Variants in TET2 observed in about 807,000 individuals in gnomAD.
The protein encoded by TET2 is methylcytosine dioxygenase TET2.
TET2 carries 299 observed loss-of-function variants against 142.9 expected under a neutral mutation model. That is an observed-to-expected ratio of 2.09 (90% CI 1.90 to 2.30). TET2 has a LOEUF of 2.30. Among genes scored for constraint, TET2 ranks in the 30% most tolerant of loss-of-function variants. TET2 has a pLI of 0.00. For missense variants in TET2, 2,418 were observed against 2,378.0 expected, an observed-to-expected ratio of 1.02 and a Z score of -0.35; for synonymous variants, 819 against 849.0, an observed-to-expected ratio of 0.96 and a Z score of 0.61.
chr4:105,274,443 T>C (rs1286579383), intron 10 of TET2, among the ~76,000 whole-genome samples: 1 of 152,108 alleles, frequency 6.6e-6, no homozygotes, highest in East Asian at 1.9e-4. Flanking sequence ...CGTGTCATTC[T>C]TTTTTTTCAC....
chr4:105,148,823 A>G (rs1032297882), intron 1 of TET2, among the ~76,000 whole-genome samples: 1 of 152,242 alleles, frequency 6.6e-6, no homozygotes, highest in Non-Finnish European at 1.5e-5. Flanking sequence ...GGATTAAAAA[A>G]TGGATAGAAG....
chr4:105,214,755 C>T (rs1240203332), intron 2 of TET2, among the ~76,000 whole-genome samples: 1 of 151,990 alleles, frequency 6.6e-6, no homozygotes, highest in African/African-American at 2.4e-5. Context: ...AGTGGAGGTT[C>T]CTGGAAGGTG....
Position 105,236,043 on chromosome 4 carries a change from CA to C in TET2, c.2102del (p.Gln701ArgfsTer3). 6.2e-7 allele frequency: 1 copy of C among 1,614,160 alleles called. No individual in the cohort carries two copies. The highest frequency in any genetic ancestry group is 8.5e-7 in the Non-Finnish European group (1 of 1,180,026). On this transcript the variant is annotated frameshift_variant, in exon 3 of 11. Coordinates refer to ENST00000380013, the MANE Select transcript of TET2 (RefSeq NM_001127208.3). LOFTEE classifies it high-confidence loss of function. ...AAAACTTATGTCCCCAGTGTTGAAACAGCACTTGAATCAACAGGCTTCAGAG... is the reference window on the plus strand; with the variant it reads ...AAAACTTATGTCCCCAGTGTTGAAACGCACTTGAATCAACAGGCTTCAGAG... ...TEKLMSPVLK[Q>X]HLNQQASETE...
rs1399548203 is a variant in TET2, at chr4:105,242,970, A to T, written c.3594+43A>T. ...AAGCCTTTGGTCTTAAATCTTGGGCATTTTGATTTGTAAATCTGACCCTGA... is the reference window on the plus strand; with the variant it reads ...AAGCCTTTGGTCTTAAATCTTGGGCTTTTTGATTTGTAAATCTGACCCTGA... On this transcript the variant is annotated intron_variant, in intron 5 of 10. Coordinates refer to ENST00000380013, the MANE Select transcript of TET2 (RefSeq NM_001127208.3). 3 of 1,492,548 alleles carry T rather than the reference A, an allele frequency of 2.0e-6. No individual in the cohort carries two copies. The Admixed American group carries it at 5.9e-5, about 30-fold the overall frequency. The allele number at this position is 1,492,548 out of a possible 1,614,324, so 92.5% of individuals were successfully genotyped here. A position where few individuals can be genotyped will look rare whatever the true frequency, so the allele number is the denominator to read the frequency against.
In TET2 at chr4:105,233,903, A is replaced by C. The variant is rs901606519; in HGVS notation, c.-40A>C. On this transcript the variant is annotated 5_prime_UTR_variant, in exon 3 of 11. Coordinates refer to ENST00000380013, the MANE Select transcript of TET2 (RefSeq NM_001127208.3). ...TTGTTTCCATGCTCTTTAGAATTCA[A>C]CTAGAGGGCAGCCTTGTGGATGGCC... The C allele has an allele frequency of 6.4e-6, 10 of 1,555,272 alleles. No homozygotes were observed. The highest frequency in any genetic ancestry group is 8.7e-6 in the Non-Finnish European group (10 of 1,150,272).
intron 6 of TET2, among the ~76,000 whole-genome samples, chr4:105,251,739 A>G (rs1729880096): frequency 2.0e-5 from 3 of 152,186 alleles, no homozygotes; most frequent in Admixed American, 2.0e-4. Context: ...TGAGTTCACA[A>G]AATGCATTGG....
chr4:105,264,098 AAAC>A (rs1340876216), intron 8 of TET2, among the ~76,000 whole-genome samples: 6 of 151,194 alleles, frequency 4.0e-5, no homozygotes, highest in African/African-American at 1.5e-4. Flanking sequence ...TTAACGTCCC[AAAC>A]ATTTTTTTTT....
intron 6 of TET2, among the ~76,000 whole-genome samples, chr4:105,244,584 ATGTTTTTTTTTTTT>A (rs1219813973): frequency 1.7e-5 from 2 of 116,752 alleles, no homozygotes; most frequent in African/African-American, 3.5e-5. Context: ...CTACACAGAA[ATGTTTTTTTTTTTT>A]TTTTTTTTTT....
chr4:105,204,238 C>T (rs867265467), intron 2 of TET2, among the ~76,000 whole-genome samples: 2 of 113,318 alleles, frequency 1.8e-5, no homozygotes, highest in African/African-American at 8.5e-5. Context: ...AATATATACA[C>T]ACACACACAC....
Position 105,275,312 on chromosome 4 carries a change from C to T in TET2, c.4802C>T (p.Ser1601Leu), listed in dbSNP as rs1370212524. The T allele has an allele frequency of 1.3e-6, 2 of 1,552,022 alleles. No homozygotes were observed. The highest frequency in any genetic ancestry group is 2.0e-5 in the Admixed American group (1 of 51,004). The change falls in exon 11 of 11, where the codon TCA (serine) becomes TTA (leucine). Residue 1601 changes from serine to leucine, a missense_variant. Transcript: ENST00000380013. ...STSPMNFYST[S>L]SQAAGSYLNS... ...AGCCCTATGAACTTCTATTCCACCT[C>T]ATCTCAAGCTGCAGGTTCATATTTG...
chr4:105,221,322 A>G (rs1727803577), intron 2 of TET2, among the ~76,000 whole-genome samples: 1 of 152,134 alleles, frequency 6.6e-6, no homozygotes. Flanking sequence ...TGGGTTGCAA[A>G]CTGAAAGCAG....
intron 2 of TET2, among the ~76,000 whole-genome samples, chr4:105,215,227 A>G (rs1294509023): frequency 6.6e-6 from 1 of 152,188 alleles, no homozygotes; most frequent in Non-Finnish European, 1.5e-5. Flanking sequence ...TGATAAGAAT[A>G]TGATGCTTTT....
At chr4:105,176,852 C>T (rs1410026861) in intron 1 of TET2, among the ~76,000 whole-genome samples, 1 of 152,166 alleles carries the variant, frequency 6.6e-6, no homozygotes, top group African/African-American at 2.4e-5. Context: ...CTGACACTAC[C>T]TGGCTTTAAA....
chr4:105,180,978 C>T (rs543785681), intron 1 of TET2, among the ~76,000 whole-genome samples: 1 of 152,242 alleles, frequency 6.6e-6, no homozygotes, highest in East Asian at 1.9e-4. Flanking sequence ...AAATATATCC[C>T]TCCATGTGAA....
At chr4:105,161,932 G>A (rs1041917077) in intron 1 of TET2, among the ~76,000 whole-genome samples, 1 of 152,102 alleles carries the variant, frequency 6.6e-6, no homozygotes, top group African/African-American at 2.4e-5. Flanking sequence ...GTGTGTATGT[G>A]GTGTGTATGT....
chr4:105,271,715 A>G (rs1385388927), intron 9 of TET2, among the ~76,000 whole-genome samples: 1 of 152,212 alleles, frequency 6.6e-6, no homozygotes, highest in Non-Finnish European at 1.5e-5. Flanking sequence ...GTCTCCATTG[A>G]TCAAAAACAC....
At position 105,236,382 on chromosome 4, in the gene TET2, C is replaced by A. The variant is rs192553789; in HGVS notation, c.2440C>A (p.Arg814Ser). The A allele has an allele frequency of 6.2e-7, 1 of 1,613,892 alleles. No individual in the cohort carries two copies. The highest frequency in any genetic ancestry group is 8.5e-7 in the Non-Finnish European group (1 of 1,179,992). Residue 814 changes from arginine to serine, a missense_variant, in exon 3 of 11, where the codon CGT (arginine) becomes AGT (serine). Coordinates refer to ENST00000380013, the MANE Select transcript of TET2 (RefSeq NM_001127208.3). ...ACTGGAGGAAGTACAGAATATAAATCGTAGAAATTCCCCTTATAGTCAGAC... is the reference window on the plus strand; with the variant it reads ...ACTGGAGGAAGTACAGAATATAAATAGTAGAAATTCCCCTTATAGTCAGAC... ...MGLEEVQNINRRNSPYSQTMK... is the reference protein window; with the variant it reads ...MGLEEVQNINSRNSPYSQTMK...
rs1289865259 is a variant in TET2 at position 105,278,778 on chromosome 4, T to A, written c.*2259T>A. 3 of 232,718 alleles carry A rather than the reference T, an allele frequency of 1.3e-5. No homozygotes were observed. In the Admixed American group the frequency reaches 1.7e-4, roughly 13 times the overall value. The allele number at this position is 232,718 out of a possible 1,614,324, so 14.4% of individuals were successfully genotyped here. A position where few individuals can be genotyped will look rare whatever the true frequency, so the allele number is the denominator to read the frequency against. On this transcript the variant is annotated 3_prime_UTR_variant, in exon 11 of 11. Coordinates refer to ENST00000380013, the MANE Select transcript of TET2 (RefSeq NM_001127208.3). ...TGCACTGAGTTGATAAAGGGAAAAA[T>A]TGTAAGGCAGGAGTTTGGCAAGTGG...
intron 1 of TET2, among the ~76,000 whole-genome samples, chr4:105,174,330 A>G (rs1009759528): frequency 6.6e-6 from 1 of 152,212 alleles, no homozygotes; most frequent in African/African-American, 2.4e-5. Context: ...CCTAAGATTT[A>G]TTTGGAATAG....
Sources: gnomAD v4.1 joint callset for allele counts (sites outside exome capture counted in the v4.1 genomes callset) on GRCh38, gnomAD v4.1.1 for gene constraint, MANE v1.5 for transcripts, NCBI Gene and HGNC (gene_info 2026-07-23, HGNC 2026-07-21) for gene names.